Variants in ENDOV observed in about 807,000 individuals in gnomAD.
The protein encoded by ENDOV is hEndoV.
Under a neutral mutation model 39.4 loss-of-function variants are expected in ENDOV, and 37 were observed. The observed-to-expected ratio is 0.94, with a 90% CI of 0.72 to 1.23. The LOEUF is 1.23. ENDOV is among the 50% of genes most tolerant of loss of function. The pLI, the probability that ENDOV is intolerant of heterozygous loss-of-function variation, is 0.00. For missense variants in ENDOV, 441 were observed against 375.7 expected, an observed-to-expected ratio of 1.17 and a Z score of -1.44; for synonymous variants, 186 against 163.4, an observed-to-expected ratio of 1.14 and a Z score of -1.05.
At chr17:80,427,294 C>A in intron 7 of ENDOV, 1 of 381,896 alleles carries the variant, frequency 2.6e-6, no homozygotes, top group Non-Finnish European at 3.6e-6. Context: ...CCCAGGCCTT[C>A]AGCCACAGGA....
intron 4 of ENDOV, among the ~76,000 whole-genome samples, chr17:80,422,707 CT>C (rs879874965): frequency 4.0e-5 from 6 of 149,658 alleles, no homozygotes; most frequent in South Asian, 4.3e-4. Context: ...GAGATGGGCT[CT>C]TTTTTTTTTG....
At chr17:80,420,324 CAT>C (rs1334143295) in intron 2 of ENDOV, 1 of 152,322 alleles carries the variant, frequency 6.6e-6, no homozygotes, top group Admixed American at 6.5e-5. Flanking sequence ...TTGAATTCCA[CAT>C]GTCACTGTGC....
intron 7 of ENDOV, chr17:80,427,855 G>A (rs920754837): frequency 7.8e-7 from 1 of 1,275,530 alleles, no homozygotes; most frequent in Non-Finnish European, 1.0e-6. Context: ...GGGAAGGTGA[G>A]AGGTGCTGGC....
At chr17:80,432,713 A>G (rs1285898268) in intron 9 of ENDOV, among the ~76,000 whole-genome samples, 1 of 152,058 alleles carries the variant, frequency 6.6e-6, no homozygotes, top group Non-Finnish European at 1.5e-5. Context: ...GGACAGAGCC[A>G]ATGCTGGCGA....
intron 7 of ENDOV, chr17:80,427,328 AGACAGCACAGTTCCTGGAG>A (rs2082824346): frequency 2.9e-6 from 2 of 690,320 alleles, no homozygotes; most frequent in African/African-American, 3.9e-5. Flanking sequence ...CTGCTGCTGC[AGACAGCACAGTTCCTGGAG>A]CTCCTGTACC....
intron 2 of ENDOV, 85 bp downstream of exon 2, chr17:80,415,906 T>G (rs1325332592): frequency 4.7e-6 from 7 of 1,474,590 alleles, no homozygotes; most frequent in Middle Eastern, 2.4e-4. Flanking sequence ...AGTGCAAGCG[T>G]AGAACCCGGC....
chr17:80,433,065 T>TC (rs1332268433), intron 9 of ENDOV: 3 of 518,758 alleles, frequency 5.8e-6, no homozygotes, highest in Non-Finnish European at 1.2e-5. Context: ...TCACTGGCAT[T>TC]CCCACAGAAT....
chr17:80,418,159 C>G (rs1331115340), intron 2 of ENDOV: 1 of 152,202 alleles, frequency 6.6e-6, no homozygotes, highest in African/African-American at 2.4e-5. Context: ...TCACACCCAA[C>G]TCTGCCACTC....
At position 80,421,907 on chromosome 17, in the gene ENDOV, T is replaced by A; in HGVS notation, c.308T>A (p.Phe103Tyr). The change falls in exon 3 of 10, where the codon TTC (phenylalanine) becomes TAC (tyrosine). Residue 103 changes from phenylalanine to tyrosine, a missense_variant. Transcript: ENST00000518137. ...TTCCTGGCCTTCCGAGAGGTGCCCT[T>A]CTTGCTGGAGCTGGTGCAGCAGCTG... Reference protein sequence around the residue: ...SGFLAFREVPFLLELVQQLRE... With the variant: ...SGFLAFREVPYLLELVQQLRE... 1 of 1,611,148 alleles carries A rather than the reference T, an allele frequency of 6.2e-7. No homozygotes were observed. The highest frequency in any genetic ancestry group is 8.5e-7 in the Non-Finnish European group (1 of 1,179,336).
intron 7 of ENDOV, chr17:80,427,348 C>G (rs1403599319): frequency 1.1e-5 from 9 of 848,908 alleles, no homozygotes; most frequent in Non-Finnish European, 1.3e-5. Flanking sequence ...GTTCCTGGAG[C>G]TCCTGTACCT....
intron 3 of ENDOV, 93 bp downstream of exon 3, chr17:80,422,055 G>A: frequency 6.4e-7 from 1 of 1,564,242 alleles, no homozygotes; most frequent in African/African-American, 1.3e-5. Context: ...CAGTGGCAGG[G>A]AGAGACTCAT....
At chr17:80,427,357 C>T (rs567495607) in intron 7 of ENDOV, 2 of 929,102 alleles carry the variant, frequency 2.2e-6, no homozygotes, top group African/African-American at 3.6e-5. Context: ...GCTCCTGTAC[C>T]TTTTTCTGCC....
At chr17:80,422,594 C>T (rs928820852) in intron 4 of ENDOV, among the ~76,000 whole-genome samples, 3 of 152,356 alleles carry the variant, frequency 2.0e-5, no homozygotes, top group East Asian at 1.9e-4. Flanking sequence ...CCCTGCCAGC[C>T]GCCCAACCTG....
At chr17:80,428,749 C>G in intron 8 of ENDOV, 89 bp downstream of exon 8, 2 of 1,308,220 alleles carry the variant, frequency 1.5e-6, no homozygotes, top group South Asian at 1.3e-5. Context: ...CTCCTTGTTG[C>G]AATATTGTGG....
At position 80,425,507 on chromosome 17, in the gene ENDOV, G is replaced by C. The variant is rs35929621; in HGVS notation, c.601G>C (p.Asp201His). 5 of 1,598,166 alleles carry C rather than the reference G, an allele frequency of 3.1e-6. No homozygotes were observed. In the African/African-American group the frequency reaches 6.7e-5, roughly 21 times the overall value. ...TVLGMALRSH[D>H]RSTRPLYISV... ...CTTGTCACAGGCCCTGAGGAGCCAC[G>C]ACCGCAGCACCAGGCCCCTCTACAT... Residue 201 changes from aspartate to histidine, a missense_variant, in exon 7 of 10, where the codon GAC becomes CAC. Coordinates refer to ENST00000518137, the MANE Select transcript of ENDOV (RefSeq NM_173627.5).
At chr17:80,432,508 A>G (rs905072534) in intron 9 of ENDOV, among the ~76,000 whole-genome samples, 2 of 151,942 alleles carry the variant, frequency 1.3e-5, no homozygotes, top group African/African-American at 2.4e-5. Context: ...AGTAACACCA[A>G]CCGAGCACAG....
Position 80,415,636 on chromosome 17 carries a change from T to G in ENDOV, c.57-14T>G. On this transcript the variant is annotated splice_polypyrimidine_tract_variant and intron_variant, in intron 1 of 9. Transcript: ENST00000518137. ...GTGTGACCCCGACCAAGTTTGACGCTTCTGTCCTCCTAGGGAGCAAGCTCG... is the reference window on the plus strand; with the variant it reads ...GTGTGACCCCGACCAAGTTTGACGCGTCTGTCCTCCTAGGGAGCAAGCTCG... 1 of 1,610,464 alleles carries G rather than the reference T, an allele frequency of 6.2e-7. No individual in the cohort carries two copies. Among genetic ancestry groups the G allele is most frequent in the Non-Finnish European group, 8.5e-7 (1 of 1,178,404 alleles).
At chr17:80,415,842 G>A in intron 2 of ENDOV, 21 bp downstream of exon 2, 2 of 1,575,644 alleles carry the variant, frequency 1.3e-6, no homozygotes, top group Non-Finnish European at 1.7e-6. Context: ...AGGACGCCGA[G>A]CTCGAGGCGG....
intron 7 of ENDOV, chr17:80,427,857 G>A (rs1382569167): frequency 3.2e-6 from 4 of 1,268,730 alleles, no homozygotes. Context: ...GAAGGTGAGA[G>A]GTGCTGGCCC....
Sources: allele counts gnomAD v4.1 joint callset (sites outside exome capture counted in the v4.1 genomes callset), GRCh38; gene constraint gnomAD v4.1.1; transcripts MANE v1.5; gene names NCBI Gene and HGNC (gene_info 2026-07-23, HGNC 2026-07-21).